The following FKBP1A variants were observed in gnomAD, a reference collection of about 807,000 sequenced individuals.
FKBP1A encodes peptidyl-prolyl cis-trans isomerase FKBP1A.
FKBP1A carries 5 observed loss-of-function variants against 14.2 expected under a neutral mutation model. The observed-to-expected ratio is 0.35, with a 90% CI of 0.18 to 0.74. The LOEUF (loss-of-function observed/expected upper bound fraction) is 0.74, where lower values mean the gene tolerates loss of function less well. Ranked by LOEUF, FKBP1A falls within the 30% of genes least tolerant of loss-of-function variation. The pLI is 0.56. For missense variants in FKBP1A, 53 were observed against 138.8 expected, an observed-to-expected ratio of 0.38 and a Z score of 3.10; for synonymous variants, 42 against 49.1, an observed-to-expected ratio of 0.86 and a Z score of 0.60.
chr20:1,387,776 A>C (rs1434273000), intron 2 of FKBP1A, among the ~76,000 whole-genome samples: 2 of 152,158 alleles, frequency 1.3e-5, no homozygotes, highest in African/African-American at 4.8e-5. Flanking sequence ...TGGGAGGTCG[A>C]GGCTACAGTG....
rs563136058 is a variant in FKBP1A, at chr20:1,379,081, G to A, written c.86-3478C>T. Reference sequence around the variant, plus strand: ...TCATAACCCACAATTTGGAAAGTACGGTATACCTATAAAAAATTAGCCTTA... The same window carrying A: ...TCATAACCCACAATTTGGAAAGTACAGTATACCTATAAAAAATTAGCCTTA... On this transcript the variant is annotated intron_variant, in intron 2 of 4. Transcript: ENST00000400137. This position sits in a 1 kb window ranked among gnomAD's most constrained non-coding sequence, Gnocchi z 4.3. Among the ~76,000 whole-genome samples the A allele has an allele frequency of 9.7e-4, 148 of 152,198 alleles. No homozygotes were observed. Among genetic ancestry groups the A allele is most frequent in the African/African-American group, 1.8e-3 (75 of 41,518 alleles).
At position 1,380,016 on chromosome 20, in the gene FKBP1A, T is replaced by C. The variant is rs145544675; in HGVS notation, c.86-4413A>G. Among the ~76,000 whole-genome samples, 656 of 152,256 alleles carry C rather than the reference T, an allele frequency of 4.3e-3. 8 individuals are homozygous for C. Among genetic ancestry groups the C allele is most frequent in the African/African-American group, 0.015 (635 of 41,554 alleles). ...AACAGATAGTGAGAACTTCCATTTC[T>C]GGTCACGGTGGAGGACAAGGATCAG... On this transcript the variant is annotated intron_variant, in intron 2 of 4. Coordinates refer to ENST00000400137, the MANE Select transcript of FKBP1A (RefSeq NM_000801.5).
intron 2 of FKBP1A, among the ~76,000 whole-genome samples, chr20:1,383,854 G>A (rs1041891478): frequency 7.0e-6 from 1 of 143,856 alleles, no homozygotes; most frequent in Admixed American, 6.8e-5. Context: ...AAAAAAAAAA[G>A]GTGTAATGGT....
At chr20:1,370,107 A>G (rs1188503100) in intron 4 of FKBP1A, 35 bp from the exon 5 acceptor site, 3 of 1,542,224 alleles carry the variant, frequency 1.9e-6, no homozygotes, top group African/African-American at 2.7e-5. Context: ...GTTTCCAGCA[A>G]CTCAGTGTTC....
chr20:1,385,705 C>G (rs770661181), intron 2 of FKBP1A, among the ~76,000 whole-genome samples: 1 of 152,198 alleles, frequency 6.6e-6, no homozygotes. Context: ...ATCCCTCTGA[C>G]TTCACCTCTG....
rs1337770256 is a variant in FKBP1A, at chr20:1,386,408, G to C, written c.85+6426C>G. On this transcript the variant is annotated intron_variant, in intron 2 of 4. Coordinates refer to ENST00000400137, the MANE Select transcript of FKBP1A (RefSeq NM_000801.5). This position sits in a 1 kb window ranked among gnomAD's most constrained non-coding sequence, Gnocchi z 4.7. ...CACTCATTCAAACAGTCACTGAATA[G>C]CTACTCTATGCCAAGACTGATGGGG... Among the ~76,000 whole-genome samples the C allele has an allele frequency of 1.3e-5, 2 of 152,238 alleles. No homozygotes were observed. The highest frequency in any genetic ancestry group is 6.5e-5 in the Admixed American group (1 of 15,290).
intron 4 of FKBP1A, chr20:1,370,976 G>A: frequency 1.0e-6 from 1 of 985,416 alleles, no homozygotes; most frequent in Non-Finnish European, 1.2e-6. Context: ...GTATTACCAA[G>A]GTGTGTGTGG....
Position 1,392,998 on chromosome 20 carries a change from T to TGGC in FKBP1A, c.-3_-1dup, listed in dbSNP as rs1263424976. On this transcript the variant is annotated 5_prime_UTR_variant, in exon 1 of 5. Transcript: ENST00000400137. The stretch of plus-strand genomic sequence containing the variant: ...GAGATGGTTTCCACCTGCACTCCCA[T>TGGC]GGCGGCGGCGGACGCTGAGCGGGCG... 4.1e-6 allele frequency: 6 copies of TGGC among 1,470,728 alleles called. No homozygotes were observed. In the South Asian group the frequency reaches 6.7e-5, roughly 16 times the overall value. The allele number at this position is 1,470,728 out of a possible 1,614,324, so 91.1% of individuals were successfully genotyped here.
intron 2 of FKBP1A, among the ~76,000 whole-genome samples, chr20:1,380,919 A>T (rs2089610341): frequency 6.6e-6 from 1 of 152,224 alleles, no homozygotes; most frequent in South Asian, 2.1e-4. Context: ...AAATATCCAC[A>T]CATAACACAG....
At position 1,386,142 on chromosome 20, in the gene FKBP1A, C is replaced by T. The variant is rs1335991559; in HGVS notation, c.85+6692G>A. Among the ~76,000 whole-genome samples, 1 of 152,222 alleles carries T rather than the reference C, an allele frequency of 6.6e-6. No individual in the cohort carries two copies. The highest frequency in any genetic ancestry group is 2.4e-5 in the African/African-American group (1 of 41,462). The stretch of plus-strand genomic sequence containing the variant: ...AGAAATATCAAAGGTACCCTTTTCT[C>T]CTCCTGGCCTGTGTATATACCTGGA... On this transcript the variant is annotated intron_variant, in intron 2 of 4. Coordinates refer to ENST00000400137, the MANE Select transcript of FKBP1A (RefSeq NM_000801.5). The surrounding 1 kb of genome is among the most constrained non-coding windows in gnomAD (Gnocchi z 4.7).
At chr20:1,380,294 G>A (rs560520463) in intron 2 of FKBP1A, among the ~76,000 whole-genome samples, 1 of 152,222 alleles carries the variant, frequency 6.6e-6, no homozygotes, top group South Asian at 2.1e-4. Flanking sequence ...AGTACCAGCA[G>A]GAGAGAGCTA....
intron 4 of FKBP1A, chr20:1,371,678 T>C (rs6041759): frequency 0.11 from 102,914 of 977,600 alleles, 6,090 homozygotes; most frequent in African/African-American, 0.23. Flanking sequence ...GCTTTTTTTT[T>C]CCCCCTCTAG....
At chr20:1,385,011 G>GC (rs2089654493) in intron 2 of FKBP1A, among the ~76,000 whole-genome samples, 3 of 152,126 alleles carry the variant, frequency 2.0e-5, no homozygotes, top group African/African-American at 7.2e-5. Context: ...ATGCCCTGTG[G>GC]GTGTGTCTCT....
chr20:1,391,960 T>C (rs111597040), intron 2 of FKBP1A, among the ~76,000 whole-genome samples: 1 of 152,006 alleles, frequency 6.6e-6, no homozygotes, highest in Non-Finnish European at 1.5e-5. Context: ...CAGGACAAGC[T>C]TGTAAGGAGA....
At position 1,386,915 on chromosome 20, in the gene FKBP1A, A is replaced by G. The variant is rs1034659450; in HGVS notation, c.85+5919T>C. ...GGTTAAGCTTTTTAGCAGGAAAAGAAAACAAAAAAACAGAAGAAAAAATAG... is the reference window on the plus strand; with the variant it reads ...GGTTAAGCTTTTTAGCAGGAAAAGAGAACAAAAAAACAGAAGAAAAAATAG... On this transcript the variant is annotated intron_variant, in intron 2 of 4. Transcript: ENST00000400137. This position sits in a 1 kb window ranked among gnomAD's most constrained non-coding sequence, Gnocchi z 4.7. Among the ~76,000 whole-genome samples, 9 of 152,242 alleles carry G rather than the reference A, an allele frequency of 5.9e-5. No individual in the cohort carries two copies. Among genetic ancestry groups the G allele is most frequent in the African/African-American group, 1.7e-4 (7 of 41,464 alleles).
At chr20:1,391,811 G>A (rs1600343336) in intron 2 of FKBP1A, 3 of 365,962 alleles carry the variant, frequency 8.2e-6, no homozygotes, top group East Asian at 7.9e-5. Context: ...GGAAGGTTGA[G>A]AAAGGGGAAG....
chr20:1,381,760 A>T (rs546304921), intron 2 of FKBP1A, among the ~76,000 whole-genome samples: 1 of 152,372 alleles, frequency 6.6e-6, no homozygotes, highest in East Asian at 1.9e-4. Flanking sequence ...AACAATTGAT[A>T]CATGGGACAA....
chr20:1,380,209 A>G (rs189398467), intron 2 of FKBP1A, among the ~76,000 whole-genome samples: 3 of 152,260 alleles, frequency 2.0e-5, no homozygotes, highest in South Asian at 4.2e-4. Flanking sequence ...AAACAAGGGC[A>G]GCCCTATATC....
chr20:1,370,184 A>C, intron 4 of FKBP1A, 112 bp from the exon 5 acceptor site: 1 of 1,463,658 alleles, frequency 6.8e-7, no homozygotes, highest in Non-Finnish European at 9.0e-7. Context: ...ACAGCTGAGC[A>C]GTCTGAGACC....
Sources: gnomAD v4.1 joint callset for allele counts (sites outside exome capture counted in the v4.1 genomes callset) on GRCh38, gnomAD v4.1.1 for gene constraint, Gnocchi (gnomAD v3.1) non-coding constraint, MANE v1.5 for transcripts, NCBI Gene and HGNC (gene_info 2026-07-23, HGNC 2026-07-21) for gene names.